The following DNER variants were observed in gnomAD, a reference collection of about 807,000 sequenced individuals.
DNER encodes delta and Notch-like epidermal growth factor-related receptor.
In DNER, 33 loss-of-function variants were observed where a neutral mutation model predicts 78.2. The ratio of observed to expected loss-of-function variants is 0.42; its 90% confidence interval spans 0.32 to 0.56. The LOEUF is 0.56. Among genes scored for constraint, DNER ranks in the 20% least tolerant of loss-of-function variants. The pLI is 0.11. For missense variants in DNER, 918 were observed against 975.3 expected (o/e 0.94, Z 0.78); for synonymous variants, 417 against 384.8 (o/e 1.08, Z -0.98).
chr2:229,566,824 T>C (rs1004684244), intron 4 of DNER, among the ~76,000 whole-genome samples: 5 of 152,184 alleles, frequency 3.3e-5, no homozygotes, highest in Non-Finnish European at 5.9e-5. Context: ...AGCTATTGAC[T>C]TAGGGATGAC....
chr2:229,491,175 C>T (rs955429692), intron 6 of DNER, among the ~76,000 whole-genome samples: 1 of 152,208 alleles, frequency 6.6e-6, no homozygotes. Context: ...GCTCTTCAAA[C>T]ACGCTGGGCA....
chr2:229,510,164 G>A (rs1482719696), intron 6 of DNER, among the ~76,000 whole-genome samples: 1 of 152,196 alleles, frequency 6.6e-6, no homozygotes, highest in Admixed American at 6.5e-5. Context: ...CCAGGGCAAG[G>A]GAGACATGGG....
chr2:229,637,566 T>C (rs1380602779), intron 1 of DNER, among the ~76,000 whole-genome samples: 1 of 152,270 alleles, frequency 6.6e-6, no homozygotes, highest in African/African-American at 2.4e-5. Flanking sequence ...TTGAAATTAT[T>C]GGCATCTATT....
chr2:229,562,639 T>C (rs1320071580), intron 4 of DNER, among the ~76,000 whole-genome samples: 3 of 152,096 alleles, frequency 2.0e-5, no homozygotes, highest in African/African-American at 7.2e-5. Flanking sequence ...ACAAGGGTAA[T>C]GGAAAGATTA....
At chr2:229,601,998 C>CT (rs68018420) in intron 1 of DNER, among the ~76,000 whole-genome samples, 2,909 of 144,736 alleles carry the variant, frequency 0.02, 41 homozygotes, top group Middle Eastern at 0.029. Flanking sequence ...AAATGAAATG[C>CT]TTTTTTTTTT....
intron 4 of DNER, among the ~76,000 whole-genome samples, chr2:229,582,145 T>C (rs1428254391): frequency 6.6e-6 from 1 of 152,246 alleles, no homozygotes; most frequent in Non-Finnish European, 1.5e-5. Flanking sequence ...TTAAAAATAG[T>C]CTGAGCTAAA....
chr2:229,463,113 C>T (rs1694736551), intron 7 of DNER, among the ~76,000 whole-genome samples: 1 of 151,964 alleles, frequency 6.6e-6, no homozygotes, highest in Non-Finnish European at 1.5e-5. Context: ...CACCTGTTTC[C>T]CACCCAGAAT....
chr2:229,675,893 C>T (rs1263712066), intron 1 of DNER, among the ~76,000 whole-genome samples: 1 of 152,190 alleles, frequency 6.6e-6, no homozygotes, highest in African/African-American at 2.4e-5. Flanking sequence ...GCCAATACTG[C>T]ACACCTCCAG....
rs201408797 is a variant in DNER, at chr2:229,542,216, G to A, written c.993+4731C>T. Among the ~76,000 whole-genome samples the A allele has an allele frequency of 3.0e-4, 46 of 152,126 alleles. 1 individual carries two copies. The East Asian group carries it at 8.9e-3, about 29-fold the overall frequency. On this transcript the variant is annotated intron_variant, in intron 5 of 12. Transcript: ENST00000341772. ...CAGCTGGTAGCCTAACAACCTTGAT[G>A]AACAAGTTCAGAGAGAGATCTAAAG...
chr2:229,389,219 C>G (rs775244523), intron 10 of DNER, among the ~76,000 whole-genome samples: 2 of 152,048 alleles, frequency 1.3e-5, no homozygotes, highest in African/African-American at 2.4e-5. Flanking sequence ...TTTCAGGACA[C>G]CTTTGCGTGC....
intron 6 of DNER, among the ~76,000 whole-genome samples, chr2:229,490,107 T>C (rs547343172): frequency 2.0e-5 from 3 of 152,252 alleles, no homozygotes; most frequent in East Asian, 3.9e-4. Context: ...AATTTCCAAA[T>C]TACTGCTTGT....
intron 12 of DNER, 22 bp from the exon 13 acceptor site, chr2:229,358,673 T>C (rs779336910): frequency 1.3e-6 from 2 of 1,599,004 alleles, no homozygotes; most frequent in Admixed American, 3.4e-5. Flanking sequence ...GAGAAAGGAC[T>C]CTGGTTAGAT....
chr2:229,439,522 C>T (rs1466238312), intron 8 of DNER, among the ~76,000 whole-genome samples: 1 of 152,208 alleles, frequency 6.6e-6, no homozygotes, highest in African/African-American at 2.4e-5. Context: ...CAGCTCTTCT[C>T]AACGCTAAGC....
At chr2:229,383,324 A>G (rs1171473831) in intron 11 of DNER, among the ~76,000 whole-genome samples, 2 of 152,266 alleles carry the variant, frequency 1.3e-5, no homozygotes, top group African/African-American at 2.4e-5. Context: ...AATTGTAAAG[A>G]CAATTGACAC....
intron 4 of DNER, among the ~76,000 whole-genome samples, chr2:229,571,098 G>A (rs1288795630): frequency 1.3e-5 from 2 of 152,148 alleles, no homozygotes; most frequent in African/African-American, 4.8e-5. Flanking sequence ...CTAGGTAAGA[G>A]AGGCTGGGGG....
At chr2:229,537,014 T>C (rs1479110088) in intron 5 of DNER, among the ~76,000 whole-genome samples, 1 of 152,054 alleles carries the variant, frequency 6.6e-6, no homozygotes, top group Non-Finnish European at 1.5e-5. Context: ...ATCTTCTAAG[T>C]CTCTCTGAAA....
chr2:229,378,485 G>T (rs1692659687), intron 11 of DNER, among the ~76,000 whole-genome samples: 1 of 152,168 alleles, frequency 6.6e-6, no homozygotes, highest in South Asian at 2.1e-4. Flanking sequence ...GGACACTGTG[G>T]CTACTGCAGA....
chr2:229,667,481 ATCCT>A (rs67033065), intron 1 of DNER, among the ~76,000 whole-genome samples: 55,796 of 151,934 alleles, frequency 0.37, 10,619 homozygotes, highest in East Asian at 0.5. Flanking sequence ...GCAAATAGAC[ATCCT>A]TAATGACTAT....
Position 229,388,391 on chromosome 2 carries a change from C to G in DNER, c.1729G>C (p.Glu577Gln). The G allele has an allele frequency of 1.9e-6, 3 of 1,608,560 alleles. No individual in the cohort carries two copies. Among genetic ancestry groups the G allele is most frequent in the Non-Finnish European group, 2.5e-6 (3 of 1,177,406 alleles). The stretch of plus-strand genomic sequence containing the variant: ...CATTCATTTATGTCAATGTCGCACT[C>G]TTCACCTAGGGAGATAAGAAAAAGC... Reference protein sequence around the residue: ...CICAPGFTGEECDIDINECDS... With the variant: ...CICAPGFTGEQCDIDINECDS... The change falls in exon 11 of 13, where the codon GAG becomes CAG. Residue 577 changes from glutamate to glutamine, a missense_variant. By Grantham distance (29) the Glu-to-Gln change is conservative. Coordinates refer to ENST00000341772, the MANE Select transcript of DNER (RefSeq NM_139072.4).
Sources: gnomAD v4.1 joint callset for allele counts (sites outside exome capture counted in the v4.1 genomes callset) on GRCh38, gnomAD v4.1.1 for gene constraint, MANE v1.5 for transcripts, NCBI Gene and HGNC (gene_info 2026-07-23, HGNC 2026-07-21) for gene names.